The following CCDC175 variants were observed in gnomAD, a reference collection of about 807,000 sequenced individuals.
CCDC175 encodes coiled-coil domain-containing protein 175.
A neutral mutation model predicts 114.6 loss-of-function variants in CCDC175; 100 were observed. The ratio of observed to expected loss-of-function variants is 0.87; its 90% CI spans 0.74 to 1.03. The LOEUF (loss-of-function observed/expected upper bound fraction) is 1.03. CCDC175 is among the 50% of genes least tolerant of loss of function. The probability of loss-of-function intolerance (pLI) is 0.00; values close to 1 mark genes in which losing one functional copy is unlikely to be tolerated. For missense variants in CCDC175, 880 were observed against 917.8 expected, an observed-to-expected ratio of 0.96 and a Z score of 0.53; for synonymous variants, 306 against 308.7, an observed-to-expected ratio of 0.99 and a Z score of 0.09.
At chr14:59,562,180 A>C (rs1159314185) in intron 6 of CCDC175, among the ~76,000 whole-genome samples, 2 of 152,242 alleles carry the variant, frequency 1.3e-5, no homozygotes, top group Admixed American at 1.3e-4. Context: ...TGAAGGCCTG[A>C]TAGGCCTGAC....
rs114375755 is a variant in CCDC175, at chr14:59,538,539, A to G, written c.1491+166T>C. On this transcript the variant is annotated intron_variant, in intron 12 of 19. Transcript: ENST00000537690. ...TTTGCTAATTCTCTCTAGTTAATAT[A>G]CAGCAAGTGAATACATTTCCTAAGA... Among the ~76,000 whole-genome samples, 1,301 of 152,358 alleles carry G rather than the reference A, an allele frequency of 8.5e-3. 12 individuals carry two copies. The highest frequency in any genetic ancestry group is 0.029 in the African/African-American group (1,223 of 41,574).
chr14:59,551,630 T>C (rs1467821688), intron 7 of CCDC175, among the ~76,000 whole-genome samples, 194 bp from the exon 8 acceptor site: 1 of 152,092 alleles, frequency 6.6e-6, no homozygotes, highest in Non-Finnish European at 1.5e-5. Context: ...TGCAGGACAG[T>C]GGGTGCAGCC....
In CCDC175 at chr14:59,538,731, C is replaced by A. The variant is rs1894567923; in HGVS notation, c.1465G>T (p.Val489Phe). 2.6e-6 allele frequency: 4 copies of A among 1,536,330 alleles called. No homozygotes were observed. The highest frequency in any genetic ancestry group is 3.5e-6 in the Non-Finnish European group (4 of 1,146,508). The stretch of plus-strand genomic sequence containing the variant: ...TCGTTAAGTAATTCAATTCGTCTAA[C>A]TTCTGCATTCTGAATTTTTTCTGTA... ...AITEKIQNAEVRRIELLNETS... is the reference protein window; with the variant it reads ...AITEKIQNAEFRRIELLNETS... Residue 489 changes from valine to phenylalanine, a missense_variant, in exon 12 of 20, where the codon GTT becomes TTT. Physicochemically the swap from Val to Phe is conservative, Grantham distance 50. Coordinates refer to ENST00000537690, the MANE Select transcript of CCDC175 (RefSeq NM_001164399.2).
At chr14:59,530,944 G>A (rs7152021) in intron 14 of CCDC175, among the ~76,000 whole-genome samples, 58,856 of 151,650 alleles carry the variant, frequency 0.39, 12,186 homozygotes, top group African/African-American at 0.52. Context: ...AGACCTGGGC[G>A]GATTCCTTAG....
intron 18 of CCDC175, among the ~76,000 whole-genome samples, chr14:59,511,207 A>G (rs1892721524): frequency 6.6e-6 from 1 of 152,238 alleles, no homozygotes; most frequent in Admixed American, 6.5e-5. Flanking sequence ...GACAAGTTAC[A>G]TAAACCCTCT....
intron 13 of CCDC175, among the ~76,000 whole-genome samples, chr14:59,533,542 C>T (rs2140012279): frequency 6.6e-6 from 1 of 152,294 alleles, no homozygotes; most frequent in South Asian, 2.1e-4. Context: ...GATATGCTGG[C>T]TGATATGTCT....
intron 13 of CCDC175, among the ~76,000 whole-genome samples, chr14:59,532,865 C>T (rs1894152275): frequency 6.6e-6 from 1 of 152,182 alleles, no homozygotes; most frequent in Non-Finnish European, 1.5e-5. Flanking sequence ...CCCCTTTGAG[C>T]ATCTTCCCGA....
rs893302968 is a variant in CCDC175 at position 59,576,647 on chromosome 14, G to T, written c.129C>A (p.Val43=). 4.1e-6 allele frequency: 6 copies of T among 1,472,340 alleles called. No homozygotes were observed. In the African/African-American group the frequency reaches 7.3e-5, roughly 18 times the overall value. The allele number at this position is 1,472,340 out of a possible 1,614,324, so 91.2% of individuals were successfully genotyped here. A position where few individuals can be genotyped will look rare whatever the true frequency, so the allele number is the denominator to read the frequency against. ...CAACAAACAGCTGCTCCAGCGCCTC[G>T]ACCGCGACCGAGGAGCCCAGGGTGG... ...LPSTLGSSVA[V]EALEQLFVVE... The change falls in exon 1 of 20, where the codon GTC becomes GTA. Residue 43 remains valine, a synonymous_variant. Transcript: ENST00000537690.
At chr14:59,513,181 G>A (rs920315289) in intron 17 of CCDC175, among the ~76,000 whole-genome samples, 2 of 152,162 alleles carry the variant, frequency 1.3e-5, no homozygotes, top group African/African-American at 2.4e-5. Flanking sequence ...TTCACTTGAG[G>A]GGGGTGGAGC....
Position 59,538,762 on chromosome 14 carries a change from T to C in CCDC175, c.1434A>G (p.Gln478=). Residue 478 remains glutamine, a synonymous_variant, in exon 12 of 20, where the codon CAA becomes CAG. Coordinates refer to ENST00000537690, the MANE Select transcript of CCDC175 (RefSeq NM_001164399.2). Reference sequence around the variant, plus strand: ...CATTCTGAATTTTTTCTGTAATAGCTTGTATTTCAGCTTTTATCTTGGCTG... The same window carrying C: ...CATTCTGAATTTTTTCTGTAATAGCCTGTATTTCAGCTTTTATCTTGGCTG... ...RWTAKIKAEI[Q]AITEKIQNAE... is the part of the protein sequence containing the mutation. 1 of 1,536,478 alleles carries C rather than the reference T, an allele frequency of 6.5e-7. No individual in the cohort carries two copies. The highest frequency in any genetic ancestry group is 8.7e-7 in the Non-Finnish European group (1 of 1,146,360).
intron 14 of CCDC175, among the ~76,000 whole-genome samples, chr14:59,528,873 C>T (rs955789645): frequency 6.6e-6 from 1 of 152,072 alleles, no homozygotes; most frequent in African/African-American, 2.4e-5. Context: ...TTTCTGTTCT[C>T]TAATCTTTAA....
chr14:59,536,625 C>T (rs1002114235), intron 13 of CCDC175, among the ~76,000 whole-genome samples: 2 of 151,950 alleles, frequency 1.3e-5, no homozygotes, highest in Non-Finnish European at 2.9e-5. Flanking sequence ...GTTTGTTCCC[C>T]GAGTTGCACC....
At chr14:59,548,481 T>A (rs999154485) in intron 8 of CCDC175, among the ~76,000 whole-genome samples, 1 of 152,166 alleles carries the variant, frequency 6.6e-6, no homozygotes, top group East Asian at 1.9e-4. Flanking sequence ...CTTATAACCA[T>A]GGAATTTGGC....
intron 17 of CCDC175, among the ~76,000 whole-genome samples, chr14:59,512,718 G>A (rs1892823582): frequency 6.6e-6 from 1 of 151,628 alleles, no homozygotes; most frequent in African/African-American, 2.4e-5. Context: ...TATATTCTTG[G>A]ATTAGAAAAT....
intron 17 of CCDC175, among the ~76,000 whole-genome samples, chr14:59,512,277 G>A (rs1225200610): frequency 2.6e-5 from 4 of 152,226 alleles, no homozygotes; most frequent in Admixed American, 2.0e-4. Context: ...CTTACCACAC[G>A]AACAGCATAA....
intron 15 of CCDC175, among the ~76,000 whole-genome samples, chr14:59,526,236 T>C (rs1175207758): frequency 6.6e-6 from 1 of 152,234 alleles, no homozygotes; most frequent in Non-Finnish European, 1.5e-5. Flanking sequence ...AAAATGGAAC[T>C]GTATATACAC....
Position 59,525,316 on chromosome 14 carries a change from T to C in CCDC175, c.1961A>G (p.Asp654Gly). 6.8e-7 allele frequency: 1 copy of C among 1,462,742 alleles called. No individual in the cohort carries two copies. Among genetic ancestry groups the C allele is most frequent in the Non-Finnish European group, 8.9e-7 (1 of 1,118,148 alleles). The allele number at this position is 1,462,742 out of a possible 1,614,324, so 90.6% of individuals were successfully genotyped here. ...TTTTTTATTTTCCAGGAGCAGAAGA[T>C]CTGCTTTTTGGTCATTTATATAGAA... is the stretch of plus-strand genomic sequence containing the variant. ...NGFYINDQKA[D>G]LLLLENKKLK... The change falls in exon 16 of 20, where the codon GAT (aspartate) becomes GGT (glycine). Residue 654 changes from aspartate to glycine, a missense_variant. Coordinates refer to ENST00000537690, the MANE Select transcript of CCDC175 (RefSeq NM_001164399.2).
chr14:59,532,051 C>T (rs1231941335), intron 13 of CCDC175, 141 bp from the exon 14 acceptor site: 4 of 558,126 alleles, frequency 7.2e-6, no homozygotes, highest in Non-Finnish European at 1.3e-5. Flanking sequence ...AGACATATGG[C>T]ATATACTAAT....
intron 13 of CCDC175, among the ~76,000 whole-genome samples, chr14:59,532,154 CT>C (rs1187514228): frequency 5.3e-5 from 8 of 152,296 alleles, no homozygotes; most frequent in Admixed American, 3.3e-4. Context: ...AAGATCCCTT[CT>C]GCTTTAAACC....
Sources: allele counts gnomAD v4.1 joint callset (sites outside exome capture counted in the v4.1 genomes callset), GRCh38; gene constraint gnomAD v4.1.1; transcripts MANE v1.5; gene names NCBI Gene and HGNC (gene_info 2026-07-23, HGNC 2026-07-21).